RPS6KC1: variants seen among roughly 807,000 people sequenced by gnomAD.
RPS6KC1 encodes the protein inactive ribosomal protein S6 kinase delta-1.
A neutral mutation model predicts 103.8 loss-of-function variants in RPS6KC1; 54 were observed. The observed-to-expected ratio is 0.52, with a 90% CI of 0.42 to 0.65. The LOEUF (loss-of-function observed/expected upper bound fraction) is 0.65, where lower values mean the gene tolerates loss of function less well. RPS6KC1 is among the 30% of genes least tolerant of loss of function. The pLI, the probability that RPS6KC1 is intolerant of heterozygous loss-of-function variation, is 0.00. For missense variants in RPS6KC1, 1,151 were observed against 1,253.8 expected (o/e 0.92, Z 1.24); for synonymous variants, 439 against 438.7 (o/e 1.00, Z -0.01).
chr1:213,417,985 T>G, the RPS6KC1 span, among the ~76,000 whole-genome samples: 1 of 152,028 alleles, frequency 6.6e-6, no homozygotes. Flanking sequence ...CTGTCAGGGG[T>G]CCCGGCCACA....
intron 6 of RPS6KC1, among the ~76,000 whole-genome samples, chr1:213,137,229 A>G (rs2086377193): frequency 6.6e-6 from 1 of 151,776 alleles, no homozygotes; most frequent in African/African-American, 2.4e-5. Context: ...TTTTCTATAT[A>G]TCTGATTCTT....
At chr1:213,611,948 G>A in the RPS6KC1 span, among the ~76,000 whole-genome samples, 1 of 152,370 alleles carries the variant, frequency 6.6e-6, no homozygotes, top group South Asian at 2.1e-4. Context: ...AGATGAGGTA[G>A]TAAGCCTGTG....
chr1:213,644,981 C>T, the RPS6KC1 span, among the ~76,000 whole-genome samples: 1 of 152,132 alleles, frequency 6.6e-6, no homozygotes, highest in Non-Finnish European at 1.5e-5. Flanking sequence ...TTTGCAGAAT[C>T]CCTTTTAGAC....
the RPS6KC1 span, among the ~76,000 whole-genome samples, chr1:213,700,264 A>G: frequency 2.0e-5 from 3 of 152,050 alleles, no homozygotes; most frequent in African/African-American, 7.2e-5. Context: ...GTTTTTCTGC[A>G]CATAAATATC....
At chr1:213,583,650 G>C in the RPS6KC1 span, among the ~76,000 whole-genome samples, 1 of 151,834 alleles carries the variant, frequency 6.6e-6, no homozygotes, top group African/African-American at 2.4e-5. Context: ...GTGAAACCCT[G>C]TCTATTTGAA....
chr1:213,472,636 C>T, the RPS6KC1 span, among the ~76,000 whole-genome samples: 2 of 152,156 alleles, frequency 1.3e-5, no homozygotes, highest in African/African-American at 2.4e-5. Flanking sequence ...AGCTGGAAAG[C>T]ACCATCAAAT....
At chr1:213,464,207 T>C in the RPS6KC1 span, among the ~76,000 whole-genome samples, 2 of 152,208 alleles carry the variant, frequency 1.3e-5, no homozygotes, top group African/African-American at 2.4e-5. Context: ...GCTAGCTTCA[T>C]AAAATCAGTT....
intron 12 of RPS6KC1, among the ~76,000 whole-genome samples, chr1:213,249,243 A>T (rs2094503322): frequency 6.6e-6 from 1 of 152,226 alleles, no homozygotes; most frequent in Admixed American, 6.5e-5. Context: ...TTTAACAAAG[A>T]TGTAATACTG....
At chr1:213,112,416 A>G (rs890342503) in intron 4 of RPS6KC1, among the ~76,000 whole-genome samples, 3 of 152,124 alleles carry the variant, frequency 2.0e-5, no homozygotes, top group Non-Finnish European at 4.4e-5. Context: ...CTAAATAGGG[A>G]ATTAAAATGA....
chr1:213,338,316 C>T, the RPS6KC1 span, among the ~76,000 whole-genome samples: 1 of 152,210 alleles, frequency 6.6e-6, no homozygotes, highest in Non-Finnish European at 1.5e-5. Context: ...TTGGCTTCTC[C>T]AGGCCTGTCT....
chr1:213,167,440 A>G (rs184817711), intron 6 of RPS6KC1, among the ~76,000 whole-genome samples: 841 of 24,220 alleles, frequency 0.035, 13 homozygotes, highest in African/African-American at 0.14. Flanking sequence ...AAGGTTGAAA[A>G]CACACACACA....
the RPS6KC1 span, among the ~76,000 whole-genome samples, chr1:213,602,221 C>A: frequency 1.1e-5 from 1 of 89,748 alleles, no homozygotes; most frequent in Admixed American, 1.3e-4. Flanking sequence ...TCCATTCCTT[C>A]TTCCTTCCTT....
the RPS6KC1 span, among the ~76,000 whole-genome samples, chr1:213,416,060 C>T: frequency 1.3e-5 from 2 of 152,224 alleles, no homozygotes; most frequent in Non-Finnish European, 2.9e-5. Context: ...TTGCTTCAGA[C>T]CTGGCCCTGT....
the RPS6KC1 span, among the ~76,000 whole-genome samples, chr1:213,360,455 A>C: frequency 8.8e-3 from 1,342 of 152,220 alleles, 13 homozygotes; most frequent in Admixed American, 0.015. Context: ...GTTAGCCATT[A>C]GTCTAATCTT....
chr1:213,825,795 A>G, the RPS6KC1 span, among the ~76,000 whole-genome samples: 7 of 152,202 alleles, frequency 4.6e-5, no homozygotes, highest in African/African-American at 1.7e-4. Flanking sequence ...AATTTAATAA[A>G]GGCCTATAGT....
chr1:213,290,823 C>G, the RPS6KC1 span, among the ~76,000 whole-genome samples: 13 of 152,252 alleles, frequency 8.5e-5, no homozygotes, highest in East Asian at 2.5e-3. Flanking sequence ...CGAAAACCCA[C>G]TTCTCATTCA....
the RPS6KC1 span, among the ~76,000 whole-genome samples, chr1:213,834,995 A>C: frequency 1.3e-5 from 2 of 152,330 alleles, no homozygotes; most frequent in South Asian, 4.1e-4. Flanking sequence ...ATGAAAAAAC[A>C]CCAGACACTA....
At chr1:213,518,753 G>A in the RPS6KC1 span, among the ~76,000 whole-genome samples, 240 of 152,252 alleles carry the variant, frequency 1.6e-3, 1 homozygote, top group African/African-American at 5.6e-3. Flanking sequence ...GAAAAACCTT[G>A]CCCAGCTGAA....
At chr1:213,436,907 T>A in the RPS6KC1 span, among the ~76,000 whole-genome samples, 49 of 152,280 alleles carry the variant, frequency 3.2e-4, no homozygotes, top group East Asian at 9.3e-3. Context: ...TGTGGATTAT[T>A]TTTGGAATTT....
Sources: gnomAD v4.1 joint callset for allele counts (sites outside exome capture counted in the v4.1 genomes callset) on GRCh38, gnomAD v4.1.1 for gene constraint, MANE v1.5 for transcripts, NCBI Gene and HGNC (gene_info 2026-07-23, HGNC 2026-07-21) for gene names.